SNAP25: variants seen among roughly 807,000 people sequenced by gnomAD.
SNAP25 encodes synaptosomal-associated protein 25.
SNAP25 carries 3 observed loss-of-function variants against 28.7 expected under a neutral mutation model. The observed-to-expected ratio is 0.10, with a 90% CI of 0.05 to 0.27. SNAP25 has a LOEUF of 0.27. Among genes scored for constraint, SNAP25 ranks in the 10% least tolerant of loss-of-function variants. SNAP25 has a pLI of 1.00. For synonymous variants in SNAP25, 61 were observed against 88.1 expected, an observed-to-expected ratio of 0.69 and a Z score of 1.72; for missense variants, 117 against 278.7, an observed-to-expected ratio of 0.42 and a Z score of 4.13.
At chr20:10,251,761 G>A (rs1168989101) in intron 1 of SNAP25, among the ~76,000 whole-genome samples, 1 of 152,102 alleles carries the variant, frequency 6.6e-6, no homozygotes, top group African/African-American at 2.4e-5. Context: ...TCCCCTCAAG[G>A]TTCTAGGTAA....
At chr20:10,285,067 G>C (rs546079685) in intron 4 of SNAP25, among the ~76,000 whole-genome samples, 3 of 152,026 alleles carry the variant, frequency 2.0e-5, no homozygotes, top group Non-Finnish European at 4.4e-5. Context: ...ATAGTATTTT[G>C]GACAGTGTAA....
At chr20:10,258,199 A>G (rs2063354052) in intron 1 of SNAP25, among the ~76,000 whole-genome samples, 1 of 152,194 alleles carries the variant, frequency 6.6e-6, no homozygotes, top group Non-Finnish European at 1.5e-5. Context: ...AGAAAAAGCA[A>G]CTGCAAAGGT....
chr20:10,262,106 T>G (rs2063423805), intron 1 of SNAP25, among the ~76,000 whole-genome samples: 1 of 152,078 alleles, frequency 6.6e-6, no homozygotes, highest in African/African-American at 2.4e-5. Context: ...CAGAAAAAAG[T>G]AGAGTTTTAG....
chr20:10,245,078 G>A (rs943454977), intron 1 of SNAP25, among the ~76,000 whole-genome samples: 1 of 152,108 alleles, frequency 6.6e-6, no homozygotes, highest in Non-Finnish European at 1.5e-5. Flanking sequence ...GGAGAGAGGG[G>A]CCAGGGTTAG....
intron 1 of SNAP25, among the ~76,000 whole-genome samples, chr20:10,243,697 G>T (rs2063075240): frequency 6.6e-6 from 1 of 152,090 alleles, no homozygotes; most frequent in South Asian, 2.1e-4. Context: ...TTCATGTCAG[G>T]GGATACAGTA....
chr20:10,250,008 G>A (rs1352415506), intron 1 of SNAP25, among the ~76,000 whole-genome samples: 1 of 152,124 alleles, frequency 6.6e-6, no homozygotes, highest in Non-Finnish European at 1.5e-5. Context: ...TGGAGCTCAT[G>A]AATATGCATT....
intron 1 of SNAP25, among the ~76,000 whole-genome samples, chr20:10,232,506 T>C (rs1205831257): frequency 6.6e-6 from 1 of 152,232 alleles, no homozygotes; most frequent in African/African-American, 2.4e-5. Context: ...TACTCACCTC[T>C]GAGAACATTA....
At chr20:10,252,552 T>A (rs1463269247) in intron 1 of SNAP25, among the ~76,000 whole-genome samples, 1 of 151,770 alleles carries the variant, frequency 6.6e-6, no homozygotes, top group Non-Finnish European at 1.5e-5. Flanking sequence ...TTTATTGTAG[T>A]GATGGTTTCA....
chr20:10,240,701 T>A (rs1225332545), intron 1 of SNAP25, among the ~76,000 whole-genome samples: 1 of 152,200 alleles, frequency 6.6e-6, no homozygotes, highest in East Asian at 1.9e-4. Context: ...CCAGGCCTCG[T>A]TCTGAACTGG....
chr20:10,222,890 G>T (rs1172396764), intron 1 of SNAP25, among the ~76,000 whole-genome samples: 1 of 152,154 alleles, frequency 6.6e-6, no homozygotes. Context: ...ATGAAATTAT[G>T]CAAGTTGAGC....
At chr20:10,260,688 TACACACACAC>T (rs36220354) in intron 1 of SNAP25, among the ~76,000 whole-genome samples, 69,610 of 148,408 alleles carry the variant, frequency 0.47, 16,292 homozygotes, top group East Asian at 0.68. Flanking sequence ...TTAGACTCAC[TACACACACAC>T]ACACACACAC....
At chr20:10,219,596 G>GCGCGGGTGGGCTGA (rs2062587235) in intron 1 of SNAP25, 1 of 152,240 alleles carries the variant, frequency 6.6e-6, no homozygotes, top group African/African-American at 2.4e-5. Flanking sequence ...GGGTGGGCTG[G>GCGCGGGTGGGCTGA]CTTCGGGGAC....
chr20:10,302,795 T>A (rs2064271310), intron 7 of SNAP25, among the ~76,000 whole-genome samples: 1 of 152,046 alleles, frequency 6.6e-6, no homozygotes, highest in African/African-American at 2.4e-5. Flanking sequence ...TTTTTTTTTT[T>A]TAAAAGAAGC....
Position 10,224,256 on chromosome 20 carries a change from T to C in SNAP25, c.-64+5279T>C, listed in dbSNP as rs192367055. Among the ~76,000 whole-genome samples, 79 of 122,134 alleles carry C rather than the reference T, an allele frequency of 6.5e-4. 2 individuals are homozygous for C. In the East Asian group the frequency reaches 0.016, roughly 25 times the overall value. 80.1% of individuals were successfully genotyped at this position (122,134 alleles called of 152,430 possible). The stretch of plus-strand genomic sequence containing the variant: ...AAATAAGGCATAGAGAATGTACATG[T>C]CTTTTTTTTTTTTTTTTTTTTTTTT... On this transcript the variant is annotated intron_variant, in intron 1 of 7. Transcript: ENST00000254976.
chr20:10,257,441 C>T (rs1462387675), intron 1 of SNAP25, among the ~76,000 whole-genome samples: 4 of 152,008 alleles, frequency 2.6e-5, no homozygotes, highest in Non-Finnish European at 5.9e-5. Context: ...ATGGGCCAGA[C>T]GCGGTGGCTC....
In SNAP25 at chr20:10,275,546, G is replaced by T; in HGVS notation, c.55G>T (p.Asp19Tyr). 6.2e-7 allele frequency: 1 copy of T among 1,601,298 alleles called. No homozygotes were observed. Among genetic ancestry groups the T allele is most frequent in the South Asian group, 1.1e-5 (1 of 88,316 alleles). Residue 19 changes from aspartate (D) to tyrosine (Y), a missense_variant, in exon 2 of 8, where the codon GAC (aspartate) becomes TAC (tyrosine). By Grantham distance (160) the Asp-to-Tyr change is radical. This residue lies in a region of SNAP25 where 29 missense variants were observed against 53.5 expected (regional missense o/e 0.54). Coordinates refer to ENST00000254976, the MANE Select transcript of SNAP25 (RefSeq NM_130811.4). ...GCTGGAGGAGATGCAGCGAAGGGCT[G>T]ACCAGTTGGCTGATGAGGTAAGGAG... ...NELEEMQRRA[D>Y]QLADESLEST...
At chr20:10,300,922 A>C (rs1252200354) in intron 7 of SNAP25, among the ~76,000 whole-genome samples, 1 of 151,750 alleles carries the variant, frequency 6.6e-6, no homozygotes, top group Non-Finnish European at 1.5e-5. Flanking sequence ...CTAACCCATT[A>C]CGGCCCAGAA....
At chr20:10,260,859 T>C (rs1430687982) in intron 1 of SNAP25, among the ~76,000 whole-genome samples, 2 of 152,188 alleles carry the variant, frequency 1.3e-5, no homozygotes, top group Non-Finnish European at 2.9e-5. Flanking sequence ...GGTTAATTAG[T>C]AAACCTTTCC....
At chr20:10,287,112 G>A (rs2063895099) in intron 4 of SNAP25, among the ~76,000 whole-genome samples, 1 of 152,134 alleles carries the variant, frequency 6.6e-6, no homozygotes, top group African/African-American at 2.4e-5. Context: ...AGGACTTCAT[G>A]TCCAAAACAC....
Sources: gnomAD v4.1 joint callset for allele counts (sites outside exome capture counted in the v4.1 genomes callset) on GRCh38, gnomAD v4.1.1 for gene constraint, gnomAD v4.1.1 regional missense constraint, MANE v1.5 for transcripts, NCBI Gene and HGNC (gene_info 2026-07-23, HGNC 2026-07-21) for gene names.